The following OSTN variants were observed in gnomAD, a reference collection of about 807,000 sequenced individuals.
OSTN encodes osteocrin.
A neutral mutation model predicts 12.0 loss-of-function variants in OSTN; 9 were observed. The observed-to-expected ratio is 0.75, with a 90% CI of 0.45 to 1.30. OSTN has a LOEUF of 1.30. Ranked by LOEUF, OSTN falls within the 50% of genes most tolerant of loss-of-function variation. The pLI, the probability that OSTN is intolerant of heterozygous loss-of-function variation, is 0.00. For synonymous variants in OSTN, 59 were observed against 56.9 expected, an observed-to-expected ratio of 1.04 and a Z score of -0.16; for missense variants, 148 against 152.3, an observed-to-expected ratio of 0.97 and a Z score of 0.15.
chr3:191,209,304 C>T (rs1714361553), intron 1 of OSTN, among the ~76,000 whole-genome samples: 1 of 152,150 alleles, frequency 6.6e-6, no homozygotes, highest in Non-Finnish European at 1.5e-5. Flanking sequence ...TGGCTGGCTT[C>T]CTAAAGTAAT....
rs112658224 is a variant in OSTN at position 191,235,409 on chromosome 3, G to A, written c.318-14628G>A. Among the ~76,000 whole-genome samples, 186 of 152,300 alleles carry A rather than the reference G, an allele frequency of 1.2e-3. 1 individual carries two copies. Among genetic ancestry groups the A allele is most frequent in the African/African-American group, 4.2e-3 (175 of 41,576 alleles). ...TATATTCACAATCTCCCCTATCACA[G>A]TAGGCTGCCTTTTGTCTCCTCCAGA... On this transcript the variant is annotated intron_variant, in intron 3 of 4. Coordinates refer to ENST00000682035, the MANE Select transcript of OSTN (RefSeq NM_198184.2).
At chr3:191,255,336 T>C (rs920892403) in intron 4 of OSTN, among the ~76,000 whole-genome samples, 1 of 152,164 alleles carries the variant, frequency 6.6e-6, no homozygotes, top group African/African-American at 2.4e-5. Flanking sequence ...ACCCGGAGGA[T>C]GGGAATGCTG....
At chr3:191,233,492 A>C (rs1715111766) in intron 3 of OSTN, among the ~76,000 whole-genome samples, 1 of 151,972 alleles carries the variant, frequency 6.6e-6, no homozygotes, top group African/African-American at 2.4e-5. Flanking sequence ...GCTGGAGTGC[A>C]GTGGCAAAAT....
chr3:191,214,119 G>T, intron 2 of OSTN, among the ~76,000 whole-genome samples: 1 of 152,076 alleles, frequency 6.6e-6, no homozygotes, highest in East Asian at 1.9e-4. Flanking sequence ...ACAGTATTAT[G>T]GGTGAAATAG....
intron 4 of OSTN, among the ~76,000 whole-genome samples, chr3:191,250,918 T>C (rs1576939001): frequency 2.6e-5 from 4 of 152,300 alleles, no homozygotes; most frequent in South Asian, 4.2e-4. Flanking sequence ...GAATTATTGA[T>C]GTATAAGGGT....
intron 4 of OSTN, among the ~76,000 whole-genome samples, chr3:191,251,548 C>T (rs1715561273): frequency 6.6e-6 from 1 of 152,050 alleles, no homozygotes; most frequent in Non-Finnish European, 1.5e-5. Context: ...CCCATTTTTT[C>T]CCTCCTCCTC....
intron 4 of OSTN, among the ~76,000 whole-genome samples, chr3:191,258,211 A>T (rs976704663): frequency 6.6e-6 from 1 of 152,244 alleles, no homozygotes; most frequent in South Asian, 2.1e-4. Flanking sequence ...CTTAGGAATT[A>T]ACCGTAAGAT....
intron 1 of OSTN, among the ~76,000 whole-genome samples, chr3:191,211,429 A>G (rs369817068): frequency 2.6e-5 from 4 of 152,290 alleles, no homozygotes; most frequent in South Asian, 2.1e-4. Context: ...GTTGATTCCA[A>G]TTTTTGGCTA....
At chr3:191,246,923 C>T (rs1715447350) in intron 3 of OSTN, among the ~76,000 whole-genome samples, 1 of 152,200 alleles carries the variant, frequency 6.6e-6, no homozygotes, top group Non-Finnish European at 1.5e-5. Flanking sequence ...AGACTGGTGA[C>T]TAGATTGGCC....
chr3:191,212,328 G>A (rs2108590755), intron 1 of OSTN, among the ~76,000 whole-genome samples: 1 of 152,226 alleles, frequency 6.6e-6, no homozygotes, highest in East Asian at 1.9e-4. Flanking sequence ...GGGTCTCCAT[G>A]GAAAAGAAAC....
rs769575990 is a variant in OSTN at position 191,218,775 on chromosome 3, AG to A, written c.132del (p.Gln44HisfsTer15). 1.2e-5 allele frequency: 19 copies of A among 1,613,950 alleles called. No individual in the cohort carries two copies. The South Asian group carries it at 2.1e-4, about 18-fold the overall frequency. On this transcript the variant is annotated frameshift_variant, in exon 3 of 5. Coordinates refer to ENST00000682035, the MANE Select transcript of OSTN (RefSeq NM_198184.2). LOFTEE classifies it high-confidence loss of function. ...EAFDSGVIDV[Q>X]STPTVREEKS... is the part of the protein sequence containing the mutation. ...TTTGATTCTGGAGTCATAGATGTGC[AG>A]TCAACACCCACAGTCAGGGAAGAGA...
At chr3:191,247,491 GA>G (rs554030458) in intron 3 of OSTN, among the ~76,000 whole-genome samples, 12 of 151,460 alleles carry the variant, frequency 7.9e-5, no homozygotes, top group Non-Finnish European at 1.5e-4. Flanking sequence ...TTATCTAGGA[GA>G]AAAAAAAGAT....
At chr3:191,223,504 C>T (rs144930093) in intron 3 of OSTN, among the ~76,000 whole-genome samples, 5 of 152,060 alleles carry the variant, frequency 3.3e-5, no homozygotes, top group East Asian at 1.9e-4. Flanking sequence ...TCAGGTAAAA[C>T]GTGATAGTAC....
At chr3:191,241,501 A>C (rs1715322441) in intron 3 of OSTN, among the ~76,000 whole-genome samples, 1 of 152,054 alleles carries the variant, frequency 6.6e-6, no homozygotes, top group East Asian at 1.9e-4. Flanking sequence ...TGCCTTTCTT[A>C]AAGGAGGACT....
At chr3:191,211,964 T>G (rs1381916910) in intron 1 of OSTN, among the ~76,000 whole-genome samples, 1 of 152,202 alleles carries the variant, frequency 6.6e-6, no homozygotes, top group Non-Finnish European at 1.5e-5. Context: ...TTGTATTTAA[T>G]ATGTAATTTT....
rs200391847 is a variant in OSTN at position 191,242,581 on chromosome 3, G to A, written c.318-7456G>A. Among the ~76,000 whole-genome samples the A allele has an allele frequency of 5.3e-5, 8 of 152,128 alleles. No individual in the cohort carries two copies. In the East Asian group the frequency reaches 1.5e-3, roughly 29 times the overall value. ...TTTTTTCTTGTTTATTTTGTTTTGT[G>A]ACGGGGTCTCTTTATATTGCTCAAT... On this transcript the variant is annotated intron_variant, in intron 3 of 4. Coordinates refer to ENST00000682035, the MANE Select transcript of OSTN (RefSeq NM_198184.2).
rs919611853 is a variant in OSTN at position 191,256,384 on chromosome 3, A to G, written c.*12+6251A>G. Among the ~76,000 whole-genome samples the G allele has an allele frequency of 6.6e-5, 10 of 152,160 alleles. 1 individual carries two copies. The highest frequency in any genetic ancestry group is 6.5e-4 in the Admixed American group (10 of 15,274). ...AATATTTAAAAAGGTAGTTGAGGTA[A>G]AAAAGACTGAATTTAGCATTTGAAT... On this transcript the variant is annotated intron_variant, in intron 4 of 4. Coordinates refer to ENST00000682035, the MANE Select transcript of OSTN (RefSeq NM_198184.2).
chr3:191,246,861 C>G (rs113306953), intron 3 of OSTN, among the ~76,000 whole-genome samples: 13 of 152,184 alleles, frequency 8.5e-5, no homozygotes, highest in African/African-American at 2.9e-4. Context: ...CGGTTAAATC[C>G]TTAGATTGCT....
intron 3 of OSTN, among the ~76,000 whole-genome samples, chr3:191,230,101 T>TAAATA (rs1284133237): frequency 3.3e-5 from 5 of 151,584 alleles, no homozygotes; most frequent in African/African-American, 1.2e-4. Flanking sequence ...AATAAATAAA[T>TAAATA]AACTTAGGAT....
Sources: gnomAD v4.1 joint callset for allele counts (sites outside exome capture counted in the v4.1 genomes callset) on GRCh38, gnomAD v4.1.1 for gene constraint, MANE v1.5 for transcripts, NCBI Gene and HGNC (gene_info 2026-07-23, HGNC 2026-07-21) for gene names.